Variants in PCDH11X observed in about 807,000 individuals in gnomAD.
PCDH11X encodes the protein protocadherin-11 X-linked.
A neutral mutation model predicts 53.3 loss-of-function variants in PCDH11X; 18 were observed. The ratio of observed to expected loss-of-function variants is 0.34; its 90% CI spans 0.23 to 0.50. The LOEUF is 0.50. Among genes scored for constraint, PCDH11X ranks in the 20% least tolerant of loss-of-function variants. The pLI is 0.98. For synonymous variants in PCDH11X, 279 were observed against 393.3 expected, an observed-to-expected ratio of 0.71 and a Z score of 3.44; for missense variants, 570 against 1,032.4, an observed-to-expected ratio of 0.55 and a Z score of 6.14.
At chrX:91,958,612 C>T (rs112867190) in intron 6 of PCDH11X, among the ~76,000 whole-genome samples, 6,245 of 108,998 alleles carry the variant, frequency 0.057, 206 homozygotes, top group African/African-American at 0.08. Flanking sequence ...CACTCCCCCA[C>T]GGGCCATCAC....
intron 6 of PCDH11X, among the ~76,000 whole-genome samples, chrX:91,966,502 T>C (rs978979765): frequency 6.9e-5 from 7 of 101,002 alleles, no homozygotes; most frequent in South Asian, 1.0e-3. Context: ...CTGTCGGGGG[T>C]GGGGGCTGGG....
chrX:92,209,124 A>G (rs1408665909), intron 7 of PCDH11X, among the ~76,000 whole-genome samples: 1 of 111,121 alleles, frequency 9.0e-6, no homozygotes, highest in Non-Finnish European at 1.9e-5. Flanking sequence ...ACAGAGCCAA[A>G]CCATATCACT....
At chrX:92,335,874 G>A (rs1207709293) in intron 8 of PCDH11X, among the ~76,000 whole-genome samples, 2 of 111,740 alleles carry the variant, frequency 1.8e-5, no homozygotes, top group Non-Finnish European at 3.8e-5. Flanking sequence ...CAGTGATCAC[G>A]ATTTGACAGT....
At chrX:91,957,424 C>T (rs2061724294) in intron 6 of PCDH11X, among the ~76,000 whole-genome samples, 1 of 110,719 alleles carries the variant, frequency 9.0e-6, no homozygotes, top group Non-Finnish European at 1.9e-5. Flanking sequence ...GGTTGCTGAC[C>T]TGTGAATAAG....
At chrX:92,238,123 C>T (rs1414143448) in intron 7 of PCDH11X, among the ~76,000 whole-genome samples, 1 of 111,762 alleles carries the variant, frequency 8.9e-6, no homozygotes, top group African/African-American at 3.2e-5. Flanking sequence ...CTGAGAGTCA[C>T]AAGATGCTTT....
intron 10 of PCDH11X, among the ~76,000 whole-genome samples, chrX:92,571,025 A>G (rs1232492947): frequency 2.2e-4 from 25 of 112,239 alleles, no homozygotes; most frequent in African/African-American, 8.1e-4. Context: ...ATCTTTGACG[A>G]GTTTTTATAA....
intron 6 of PCDH11X, among the ~76,000 whole-genome samples, chrX:91,924,811 A>G (rs2524639): frequency 1.8e-5 from 2 of 111,386 alleles, no homozygotes; most frequent in African/African-American, 6.5e-5. Flanking sequence ...GTAATTGTGT[A>G]TGTGTAGTAA....
At chrX:92,113,815 A>G (rs1569364120) in intron 6 of PCDH11X, 14 of 1,203,673 alleles carry the variant, frequency 1.2e-5, no homozygotes, top group Admixed American at 2.2e-5. Flanking sequence ...ATCAGAAGGC[A>G]TTGTAGCTGA....
intron 6 of PCDH11X, among the ~76,000 whole-genome samples, chrX:91,902,513 C>G (rs1301783173): frequency 9.8e-6 from 1 of 102,346 alleles, no homozygotes; most frequent in African/African-American, 3.6e-5. Context: ...TGTTAATTTT[C>G]TTAGAGTTAT....
chrX:92,366,369 TTC>T (rs2070472545), intron 8 of PCDH11X, among the ~76,000 whole-genome samples: 1 of 110,559 alleles, frequency 9.0e-6, no homozygotes, highest in Non-Finnish European at 1.9e-5. Flanking sequence ...TACCTGATTC[TTC>T]TCTCTTTTCT....
intron 7 of PCDH11X, among the ~76,000 whole-genome samples, chrX:92,244,370 T>G (rs1251093319): frequency 9.2e-6 from 1 of 108,594 alleles, no homozygotes. Flanking sequence ...CTTGGGACCC[T>G]AAAGCAAAAG....
intron 6 of PCDH11X, among the ~76,000 whole-genome samples, chrX:91,976,604 TCTTAA>T (rs2062050469): frequency 8.9e-6 from 1 of 111,938 alleles, no homozygotes; most frequent in African/African-American, 3.2e-5. Flanking sequence ...TGACCAAGAC[TCTTAA>T]CTTGTCACTC....
chrX:92,387,772 C>T lies in PCDH11X; in HGVS notation c.3182C>T (p.Ser1061Phe). The change falls in exon 9 of 11, where the codon TCT becomes TTT. Residue 1061 changes from serine to phenylalanine, a missense_variant. This residue lies in a region of PCDH11X where 234 missense variants were observed against 296.1 expected (regional missense o/e 0.79). Transcript: ENST00000682573. The stretch of plus-strand genomic sequence containing the variant: ...GTCACATTTCACCTGCCAGAAGGCT[C>T]TCAGGAAAGCAGCAGTGATGGTGGA... ...RRVTFHLPEG[S>F]QESSSDGGLG... 8.3e-7 allele frequency: 1 copy of T among 1,211,975 alleles called. No individual in the cohort carries two copies. Among genetic ancestry groups the T allele is most frequent in the Non-Finnish European group, 1.1e-6 (1 of 895,517 alleles).
intron 6 of PCDH11X, among the ~76,000 whole-genome samples, chrX:91,901,581 G>A (rs1377589650): frequency 9.1e-6 from 1 of 110,226 alleles, no homozygotes; most frequent in Admixed American, 9.8e-5. Context: ...TACTTTAAGG[G>A]GGATGTTTAT....
chrX:91,986,044 C>T (rs12836658), intron 6 of PCDH11X, among the ~76,000 whole-genome samples: 28,949 of 95,240 alleles, frequency 0.3, 3,888 homozygotes, highest in African/African-American at 0.42. Context: ...CCTCACTTTC[C>T]TATCTGGCTT....
chrX:92,155,617 CTT>C (rs775178966), intron 6 of PCDH11X, among the ~76,000 whole-genome samples: 92 of 79,737 alleles, frequency 1.2e-3, no homozygotes, highest in African/African-American at 5.1e-3. Context: ...ACTTCAATAG[CTT>C]TTTTTTTTTT....
intron 9 of PCDH11X, among the ~76,000 whole-genome samples, chrX:92,434,589 C>T (rs764123885): frequency 3.7e-5 from 4 of 109,030 alleles, no homozygotes; most frequent in Admixed American, 2.0e-4. Flanking sequence ...TCACCTAGGT[C>T]GGAGTGCAGT....
intron 10 of PCDH11X, among the ~76,000 whole-genome samples, chrX:92,615,544 G>A (rs1433521460): frequency 9.0e-6 from 1 of 111,166 alleles, no homozygotes; most frequent in Admixed American, 9.6e-5. Flanking sequence ...GGTACCTACT[G>A]CTGTGGTGCT....
At chrX:92,113,380 C>G in intron 6 of PCDH11X, 2 of 1,201,462 alleles carry the variant, frequency 1.7e-6, no homozygotes. Context: ...TCCACCTCGA[C>G]TGATTCTGTG....
Sources: gnomAD v4.1 joint callset for allele counts (sites outside exome capture counted in the v4.1 genomes callset) on GRCh38, gnomAD v4.1.1 for gene constraint, gnomAD v4.1.1 regional missense constraint, MANE v1.5 for transcripts, NCBI Gene and HGNC (gene_info 2026-07-23, HGNC 2026-07-21) for gene names.